Variants in SNX29 observed in about 807,000 individuals in gnomAD.
SNX29 encodes sorting nexin-29.
A neutral mutation model predicts 102.1 loss-of-function variants in SNX29; 78 were observed. That is an observed-to-expected ratio of 0.76 (90% CI 0.64 to 0.92). The LOEUF (loss-of-function observed/expected upper bound fraction) is 0.92, where lower values mean the gene tolerates loss of function less well. SNX29 is among the 40% of genes least tolerant of loss of function. The pLI is 0.00. For synonymous variants in SNX29, 580 were observed against 414.5 expected, an observed-to-expected ratio of 1.40 and a Z score of -4.85; for missense variants, 1,280 against 1,061.7, an observed-to-expected ratio of 1.21 and a Z score of -2.86.
At chr16:12,417,992 G>A (rs993428532) in intron 18 of SNX29, among the ~76,000 whole-genome samples, 41 of 152,130 alleles carry the variant, frequency 2.7e-4, no homozygotes, top group Admixed American at 2.6e-3. Flanking sequence ...GGAAGGGGAA[G>A]GGAATAGATA....
intron 10 of SNX29, 94 bp from the exon 11 acceptor site, chr16:12,078,739 A>G (rs993196996): frequency 9.2e-6 from 9 of 979,402 alleles, no homozygotes; most frequent in South Asian, 1.4e-5. Context: ...TAGTAGAGGT[A>G]CCGGAGTAAA....
In SNX29 at chr16:12,563,128, G is replaced by A. The variant is rs118173823; in HGVS notation, c.2319-5378G>A. ...CTAACAACAGAGCCTAGGAAAGGTC[G>A]CCACACGTCCTCATCCCAGCTCCAG... On this transcript the variant is annotated intron_variant, in intron 20 of 20. Coordinates refer to ENST00000566228, the MANE Select transcript of SNX29 (RefSeq NM_032167.5). Among the ~76,000 whole-genome samples, 1,181 of 152,182 alleles carry A rather than the reference G, an allele frequency of 7.8e-3. 8 individuals are homozygous for A. Among genetic ancestry groups the A allele is most frequent in the Non-Finnish European group, 0.012 (815 of 67,994 alleles).
At chr16:12,435,034 T>G (rs1441337729) in intron 18 of SNX29, among the ~76,000 whole-genome samples, 1 of 152,046 alleles carries the variant, frequency 6.6e-6, no homozygotes, top group Non-Finnish European at 1.5e-5. Flanking sequence ...GACCAGGTCA[T>G]ATACCAGGAG....
chr16:12,359,542 T>C (rs1167592337), intron 16 of SNX29, among the ~76,000 whole-genome samples: 1 of 152,244 alleles, frequency 6.6e-6, no homozygotes, highest in Non-Finnish European at 1.5e-5. Context: ...GTATTTTACA[T>C]ATCTGCTCCT....
chr16:12,325,132 T>C (rs1025237049), intron 15 of SNX29, among the ~76,000 whole-genome samples: 7 of 152,176 alleles, frequency 4.6e-5, no homozygotes, highest in African/African-American at 1.7e-4. Context: ...ATGTATCCCA[T>C]CTCTACTTCT....
intron 16 of SNX29, among the ~76,000 whole-genome samples, chr16:12,374,117 C>T (rs1315474321): frequency 2.0e-5 from 3 of 152,244 alleles, no homozygotes; most frequent in African/African-American, 7.2e-5. Context: ...CACTTCTCCC[C>T]ACTGGATGGT....
chr16:12,502,067 G>A (rs1487907971), intron 19 of SNX29, among the ~76,000 whole-genome samples: 1 of 152,194 alleles, frequency 6.6e-6, no homozygotes, highest in African/African-American at 2.4e-5. Flanking sequence ...GAGAACATGG[G>A]ACCTGCTTAG....
chr16:12,187,063 T>G (rs2141874039), intron 13 of SNX29, among the ~76,000 whole-genome samples: 1 of 152,348 alleles, frequency 6.6e-6, no homozygotes, highest in Non-Finnish European at 1.5e-5. Context: ...GAATCCGGAC[T>G]TCCACCTGCT....
chr16:12,552,511 G>A lies in SNX29; in HGVS notation c.2319-15995G>A, dbSNP rs560715335. Among the ~76,000 whole-genome samples the A allele has an allele frequency of 5.3e-5, 8 of 152,272 alleles. No homozygotes were observed. The South Asian group carries it at 1.7e-3, about 32-fold the overall frequency. ...CAGGAATCTTGCTCAAAAATAGCCT[G>A]CCAAATGGGCCTTCATTTCTCAGTG... is the stretch of plus-strand genomic sequence containing the variant. On this transcript the variant is annotated intron_variant, in intron 20 of 20. Transcript: ENST00000566228.
At chr16:12,466,792 G>A (rs929271828) in intron 18 of SNX29, among the ~76,000 whole-genome samples, 4 of 152,224 alleles carry the variant, frequency 2.6e-5, no homozygotes, top group Non-Finnish European at 5.9e-5. Flanking sequence ...TGGGCTCTTG[G>A]GTCCTCGGTG....
At chr16:12,202,266 A>G (rs986762014) in intron 14 of SNX29, among the ~76,000 whole-genome samples, 4 of 152,134 alleles carry the variant, frequency 2.6e-5, no homozygotes, top group African/African-American at 9.7e-5. Flanking sequence ...TCTCTCCAAG[A>G]GAATCATTAT....
chr16:12,516,481 G>GAAA lies in SNX29; in HGVS notation c.2179-8204_2179-8202dup, dbSNP rs5815691. ...GGCAACAGAGAGATATCCCGTCTCA[G>GAAA]AAAAAAAAAAAAAAAAAAAGGTGCA... On this transcript the variant is annotated intron_variant, in intron 19 of 20. Transcript: ENST00000566228. Among the ~76,000 whole-genome samples, 406 of 109,490 alleles carry GAAA rather than the reference G, an allele frequency of 3.7e-3. 7 individuals are homozygous for GAAA. Among genetic ancestry groups the GAAA allele is most frequent in the African/African-American group, 0.013 (373 of 27,814 alleles). The allele number at this position is 109,490 out of a possible 152,430, so 71.8% of individuals were successfully genotyped here.
At chr16:12,171,682 C>T (rs1296904285) in intron 13 of SNX29, among the ~76,000 whole-genome samples, 1 of 152,238 alleles carries the variant, frequency 6.6e-6, no homozygotes, top group Non-Finnish European at 1.5e-5. Flanking sequence ...GGACAGGGAA[C>T]TGAAGAGTAG....
intron 14 of SNX29, among the ~76,000 whole-genome samples, chr16:12,226,109 C>T (rs1002314043): frequency 2.0e-5 from 3 of 152,220 alleles, no homozygotes; most frequent in African/African-American, 2.4e-5. Context: ...TTAATCTTTT[C>T]GAACTTACAT....
chr16:12,563,121 A>C (rs2078824785), intron 20 of SNX29, among the ~76,000 whole-genome samples: 1 of 152,120 alleles, frequency 6.6e-6, no homozygotes, highest in Non-Finnish European at 1.5e-5. Flanking sequence ...AGAGCCTAGG[A>C]AAGGTCGCCA....
intron 20 of SNX29, chr16:12,526,997 A>T (rs1238952428): frequency 2.5e-6 from 1 of 400,834 alleles, no homozygotes; most frequent in African/African-American, 2.0e-5. Context: ...ACTTTTCAAA[A>T]CGAGAATTTC....
At chr16:12,457,584 A>G (rs1199998148) in intron 18 of SNX29, among the ~76,000 whole-genome samples, 1 of 152,196 alleles carries the variant, frequency 6.6e-6, no homozygotes, top group Non-Finnish European at 1.5e-5. Context: ...ACAAAGGTTC[A>G]AATCACGTCT....
intron 14 of SNX29, among the ~76,000 whole-genome samples, chr16:12,276,018 G>T (rs1010297485): frequency 2.0e-5 from 3 of 150,872 alleles, no homozygotes; most frequent in African/African-American, 7.3e-5. Flanking sequence ...TCAGCCCTCC[G>T]AGTAGCTGGG....
At chr16:12,058,948 A>G (rs1596726838) in intron 8 of SNX29, among the ~76,000 whole-genome samples, 1 of 151,344 alleles carries the variant, frequency 6.6e-6, no homozygotes, top group African/African-American at 2.4e-5. Flanking sequence ...GTGCAATACC[A>G]TACCTGGCTA....
Sources: gnomAD v4.1 joint callset for allele counts (sites outside exome capture counted in the v4.1 genomes callset) on GRCh38, gnomAD v4.1.1 for gene constraint, MANE v1.5 for transcripts, NCBI Gene and HGNC (gene_info 2026-07-23, HGNC 2026-07-21) for gene names.